The following RASSF3 variants were observed in gnomAD, a reference collection of about 807,000 sequenced individuals.
RASSF3 encodes the protein Ras association domain family member 3.
In RASSF3, 19 loss-of-function variants were observed where a neutral mutation model predicts 19.9. The ratio of observed to expected loss-of-function variants is 0.96; its 90% CI spans 0.67 to 1.40. The LOEUF is 1.40. RASSF3 is among the 40% of genes most tolerant of loss of function. The pLI is 0.00. For synonymous variants in RASSF3, 110 were observed against 104.2 expected, an observed-to-expected ratio of 1.06 and a Z score of -0.34; for missense variants, 306 against 289.8, an observed-to-expected ratio of 1.06 and a Z score of -0.41.
chr12:64,548,035 A>G (rs1288703284), intron 2 of RASSF3, among the ~76,000 whole-genome samples: 1 of 152,114 alleles, frequency 6.6e-6, no homozygotes, highest in Non-Finnish European at 1.5e-5. Flanking sequence ...ACAGACATAG[A>G]TATGTTTTCA....
At chr12:64,659,382 G>T (rs1198007067) in intron 1 of RASSF3, among the ~76,000 whole-genome samples, 1 of 152,158 alleles carries the variant, frequency 6.6e-6, no homozygotes, top group Non-Finnish European at 1.5e-5. Flanking sequence ...GACAAGGTCA[G>T]AGCAAACCGA....
At chr12:64,532,779 G>A (rs1592391659), upstream of RASSF3, among the ~76,000 whole-genome samples, 1 of 151,764 alleles carries the variant, frequency 6.6e-6, no homozygotes, top group Non-Finnish European at 1.5e-5. Flanking sequence ...AGATTGCAGT[G>A]AGCCGAGTCA....
intron 1 of RASSF3, among the ~76,000 whole-genome samples, chr12:64,633,509 C>T (rs551215977): frequency 1.3e-5 from 2 of 152,170 alleles, no homozygotes; most frequent in East Asian, 3.9e-4. Context: ...CTTTTCCTTT[C>T]ACCTCCTGAG....
chr12:64,583,131 T>G (rs1869731970), intron 2 of RASSF3, among the ~76,000 whole-genome samples: 1 of 152,174 alleles, frequency 6.6e-6, no homozygotes, highest in African/African-American at 2.4e-5. Flanking sequence ...GGGAGGTACC[T>G]GAGGACCCTT....
chr12:64,562,295 C>T (rs1329900581), intron 2 of RASSF3, among the ~76,000 whole-genome samples: 2 of 152,152 alleles, frequency 1.3e-5, no homozygotes, highest in Non-Finnish European at 1.5e-5. Context: ...CCCGCCTCGG[C>T]CTCCCAAAGT....
chr12:64,602,579 C>CA (rs1287291683), intron 2 of RASSF3, among the ~76,000 whole-genome samples: 89 of 121,762 alleles, frequency 7.3e-4, no homozygotes, highest in Middle Eastern at 4.6e-3. Context: ...GACTCCATCT[C>CA]AAAAAAAAAA....
At chr12:64,641,350 C>T (rs564714458) in intron 1 of RASSF3, among the ~76,000 whole-genome samples, 3 of 150,054 alleles carry the variant, frequency 2.0e-5, no homozygotes, top group East Asian at 1.9e-4. Context: ...GAGCCGAGAC[C>T]GTACCACTGC....
chr12:64,660,062 ATGTG>A (rs1555214887), intron 1 of RASSF3, among the ~76,000 whole-genome samples: 1 of 149,384 alleles, frequency 6.7e-6, no homozygotes, highest in Non-Finnish European at 1.5e-5. Context: ...GTATATATAT[ATGTG>A]TGTGTGTATG....
At chr12:64,604,061 T>C (rs1258479415) in intron 2 of RASSF3, among the ~76,000 whole-genome samples, 1 of 151,988 alleles carries the variant, frequency 6.6e-6, no homozygotes, top group East Asian at 1.9e-4. Context: ...TGGGCCAGGA[T>C]GGTCTCGATC....
chr12:64,511,729 C>T (rs997200557), intron 1 of RASSF3, among the ~76,000 whole-genome samples: 1 of 152,124 alleles, frequency 6.6e-6, no homozygotes, highest in Non-Finnish European at 1.5e-5. Flanking sequence ...GTTTCCAGGA[C>T]ACCCCCTTGA....
At chr12:64,561,931 A>C (rs897915476) in intron 2 of RASSF3, among the ~76,000 whole-genome samples, 1 of 151,328 alleles carries the variant, frequency 6.6e-6, no homozygotes, top group Non-Finnish European at 1.5e-5. Flanking sequence ...TGATCCACCC[A>C]CCTCAGCCTC....
At chr12:64,692,863 CA>C (rs1868304868) in intron 4 of RASSF3, among the ~76,000 whole-genome samples, 1 of 152,068 alleles carries the variant, frequency 6.6e-6, no homozygotes, top group East Asian at 1.9e-4. Context: ...AGGCATGAGC[CA>C]CTGCACCTGG....
chr12:64,641,440 T>C (rs1279732539), intron 1 of RASSF3, among the ~76,000 whole-genome samples: 1 of 79,934 alleles, frequency 1.3e-5, no homozygotes, highest in African/African-American at 5.5e-5. Flanking sequence ...TGAAAACAAA[T>C]GAGAAACCCT....
chr12:64,532,639 A>G (rs563965283), upstream of RASSF3, among the ~76,000 whole-genome samples: 8 of 151,878 alleles, frequency 5.3e-5, no homozygotes, highest in South Asian at 2.1e-4. Flanking sequence ...CCTGGGCAAC[A>G]TAGGGAGACC....
At chr12:64,676,328 G>A (rs1329444061) in intron 1 of RASSF3, among the ~76,000 whole-genome samples, 4 of 151,286 alleles carry the variant, frequency 2.6e-5, no homozygotes, top group South Asian at 2.1e-4. Flanking sequence ...CCACCACACT[G>A]GGCTAATTTT....
At chr12:64,560,159 A>G (rs1476612326) in intron 2 of RASSF3, among the ~76,000 whole-genome samples, 2 of 152,220 alleles carry the variant, frequency 1.3e-5, no homozygotes, top group East Asian at 1.9e-4. Flanking sequence ...AGAGGCATGC[A>G]TTCAGATGCC....
chr12:64,671,774 G>C (rs1439419237), intron 1 of RASSF3, among the ~76,000 whole-genome samples: 1 of 152,238 alleles, frequency 6.6e-6, no homozygotes, highest in Non-Finnish European at 1.5e-5. Context: ...TGCCGTGCCT[G>C]TACCAGCGTC....
chr12:64,610,906 A>G (rs947060342), intron 1 of RASSF3, among the ~76,000 whole-genome samples, 163 bp downstream of exon 1: 1 of 151,952 alleles, frequency 6.6e-6, no homozygotes, highest in Non-Finnish European at 1.5e-5. Flanking sequence ...GGGTCCCGGG[A>G]ACGTGCCTGG....
chr12:64,610,591 T>TGCGCCCCGGGGAGGCCGCCC lies in RASSF3; in HGVS notation c.-37_-18dup, dbSNP rs761842831. The TGCGCCCCGGGGAGGCCGCCC allele has an allele frequency of 1.3e-4, 168 of 1,296,444 alleles. 1 individual carries two copies. The African/African-American group carries it at 2.4e-3, about 18-fold the overall frequency. 80.3% of individuals were successfully genotyped at this position (1,296,444 alleles called of 1,614,324 possible). On this transcript the variant is annotated 5_prime_UTR_variant, in exon 1 of 5. Coordinates refer to ENST00000542104, the MANE Select transcript of RASSF3 (RefSeq NM_178169.4). ...GCGCCGCACCCCCTCCCTGGCCGCCTGCGCCCCGGGGAGGCCGCCCGCGCG... is the reference window on the plus strand; with the variant it reads ...GCGCCGCACCCCCTCCCTGGCCGCCTGCGCCCCGGGGAGGCCGCCCGCGCCCCGGGGAGGCCGCCCGCGCG...
Sources: gnomAD v4.1 joint callset for allele counts (sites outside exome capture counted in the v4.1 genomes callset) on GRCh38, gnomAD v4.1.1 for gene constraint, MANE v1.5 for transcripts, NCBI Gene and HGNC (gene_info 2026-07-23, HGNC 2026-07-21) for gene names.